Variants in RORA observed in about 807,000 individuals in gnomAD.
RORA encodes the protein nuclear receptor ROR-alpha.
A neutral mutation model predicts 69.5 loss-of-function variants in RORA; 7 were observed. The observed-to-expected ratio is 0.10, with a 90% CI of 0.06 to 0.19. The LOEUF (loss-of-function observed/expected upper bound fraction) is 0.19, where lower values mean the gene tolerates loss of function less well. RORA is among the 10% of genes least tolerant of loss of function. The pLI, the probability that RORA is intolerant of heterozygous loss-of-function variation, is 1.00. For synonymous variants in RORA, 261 were observed against 240.8 expected (o/e 1.08, Z -0.78); for missense variants, 457 against 663.0 (o/e 0.69, Z 3.41).
At chr15:61,066,723 C>T (rs939114233) in intron 1 of RORA, among the ~76,000 whole-genome samples, 9 of 151,664 alleles carry the variant, frequency 5.9e-5, no homozygotes, top group Non-Finnish European at 1.3e-4. Context: ...CCACTATGCC[C>T]CGCTGGCATG....
chr15:60,960,249 T>G (rs1380501378), intron 1 of RORA, among the ~76,000 whole-genome samples: 1 of 152,172 alleles, frequency 6.6e-6, no homozygotes, highest in African/African-American at 2.4e-5. Context: ...TATCATAAAA[T>G]CATTAGCTTA....
At chr15:61,179,845 C>CA (rs1433335649) in intron 1 of RORA, among the ~76,000 whole-genome samples, 1 of 151,956 alleles carries the variant, frequency 6.6e-6, no homozygotes, top group Non-Finnish European at 1.5e-5. Flanking sequence ...GGTAAGAAGA[C>CA]AAAACCGTAG....
intron 1 of RORA, among the ~76,000 whole-genome samples, chr15:61,030,352 T>A (rs992015475): frequency 3.9e-5 from 6 of 152,214 alleles, no homozygotes; most frequent in African/African-American, 1.4e-4. Flanking sequence ...AATATCCTTG[T>A]ATACAGGGAT....
chr15:61,122,149 G>C (rs983232806), intron 1 of RORA, among the ~76,000 whole-genome samples: 7 of 152,296 alleles, frequency 4.6e-5, no homozygotes, highest in Non-Finnish European at 1.0e-4. Flanking sequence ...TCTTTACATT[G>C]AGAGAACTTC....
chr15:61,227,577 T>TGG (rs373409405), intron 1 of RORA, among the ~76,000 whole-genome samples: 25 of 132,372 alleles, frequency 1.9e-4, no homozygotes, highest in African/African-American at 5.8e-4. Flanking sequence ...GTGGCTAAGG[T>TGG]GGGGGGGGGG....
rs186206191 is a variant in RORA, at chr15:60,788,559, G to A, written c.167-109873C>T. Reference sequence around the variant, plus strand: ...CACGGTGTTGCTGCACCAAGAAGAAGCCGCCTCAGCAAATGCTGACGCATG... The same window carrying A: ...CACGGTGTTGCTGCACCAAGAAGAAACCGCCTCAGCAAATGCTGACGCATG... On this transcript the variant is annotated intron_variant, in intron 1 of 10. Transcript: ENST00000335670. 3.0e-3 allele frequency among the ~76,000 whole-genome samples: 463 copies of A among 152,310 alleles called. 6 individuals carry two copies. The highest frequency in any genetic ancestry group is 0.02 in the South Asian group (97 of 4,824).
chr15:61,094,565 G>A (rs1237255433), intron 1 of RORA, among the ~76,000 whole-genome samples: 1 of 152,174 alleles, frequency 6.6e-6, no homozygotes, highest in Non-Finnish European at 1.5e-5. Flanking sequence ...CAAACAAGAT[G>A]TGGTAAGGTC....
At chr15:60,641,798 T>C (rs1037522744) in intron 2 of RORA, among the ~76,000 whole-genome samples, 2 of 152,216 alleles carry the variant, frequency 1.3e-5, no homozygotes, top group African/African-American at 4.8e-5. Flanking sequence ...TAGAAAATTT[T>C]CAAACACTCA....
In RORA at chr15:61,071,193, G is replaced by A. The variant is rs897726910; in HGVS notation, c.166+157860C>T. On this transcript the variant is annotated intron_variant, in intron 1 of 10. Coordinates refer to ENST00000335670, the MANE Select transcript of RORA (RefSeq NM_134261.3). Reference sequence around the variant, plus strand: ...AGAAACACAAACCTTGACTTCACTGGTACATCCTTGGATTTGAAAAAGGGG... The same window carrying A: ...AGAAACACAAACCTTGACTTCACTGATACATCCTTGGATTTGAAAAAGGGG... Among the ~76,000 whole-genome samples, 8 of 102,310 alleles carry A rather than the reference G, an allele frequency of 7.8e-5. 1 individual carries two copies. In the Admixed American group the frequency reaches 9.2e-4, roughly 12 times the overall value. 67.1% of individuals were successfully genotyped at this position (102,310 alleles called of 152,430 possible).
chr15:60,822,123 TA>T (rs1194297165), intron 1 of RORA, among the ~76,000 whole-genome samples: 1 of 152,184 alleles, frequency 6.6e-6, no homozygotes, highest in African/African-American at 2.4e-5. Flanking sequence ...TGGTAAATGG[TA>T]AAACTCTTAT....
chr15:60,664,200 A>T (rs574084593), intron 2 of RORA, among the ~76,000 whole-genome samples: 1 of 152,206 alleles, frequency 6.6e-6, no homozygotes, highest in African/African-American at 2.4e-5. Flanking sequence ...AAATCAGGCC[A>T]TGGAAAGTTC....
intron 1 of RORA, among the ~76,000 whole-genome samples, chr15:60,859,651 CTTTCTTTTTT>C (rs1292740306): frequency 2.1e-5 from 2 of 96,424 alleles, no homozygotes; most frequent in Non-Finnish European, 2.0e-5. Flanking sequence ...TTCTTTCTTT[CTTTCTTTTTT>C]TTTTTTTTTT....
In RORA at chr15:60,637,369, AT is replaced by A. The variant is rs533212380; in HGVS notation, c.196+41287del. ...AATATTTGAAAAAATACATCTTCTT[AT>A]CAGTTTGCTTTTTGTCCTTTTTGCT... On this transcript the variant is annotated intron_variant, in intron 2 of 10. Coordinates refer to ENST00000335670, the MANE Select transcript of RORA (RefSeq NM_134261.3). Among the ~76,000 whole-genome samples, 32 of 147,038 alleles carry A rather than the reference AT, an allele frequency of 2.2e-4. 1 individual carries two copies. In the South Asian group the frequency reaches 6.4e-3, roughly 30 times the overall value.
At chr15:60,679,723 G>C (rs1227559549) in intron 1 of RORA, among the ~76,000 whole-genome samples, 1 of 152,090 alleles carries the variant, frequency 6.6e-6, no homozygotes, top group Non-Finnish European at 1.5e-5. Context: ...ATGTCGTACG[G>C]GGAAGAAATC....
At chr15:60,860,379 G>T (rs561008816) in intron 1 of RORA, among the ~76,000 whole-genome samples, 19 of 152,162 alleles carry the variant, frequency 1.2e-4, no homozygotes, top group Non-Finnish European at 2.4e-4. Flanking sequence ...CGAGAAACTT[G>T]ACACCTTCGA....
At chr15:61,100,430 A>T (rs1358681409) in intron 1 of RORA, among the ~76,000 whole-genome samples, 3 of 152,152 alleles carry the variant, frequency 2.0e-5, no homozygotes. Context: ...TGAGCGGTCA[A>T]TTTTTAAAGT....
chr15:60,592,789 C>T (rs1243273796), intron 2 of RORA: 10 of 711,708 alleles, frequency 1.4e-5, no homozygotes, highest in African/African-American at 3.8e-5. Context: ...GCCCGCCTTC[C>T]CCTCGCCTTC....
At chr15:61,002,633 T>G (rs75071698) in intron 1 of RORA, among the ~76,000 whole-genome samples, 5,935 of 152,234 alleles carry the variant, frequency 0.039, 396 homozygotes, top group African/African-American at 0.13. Context: ...ACTTTTTACT[T>G]TATCCGAAGT....
intron 2 of RORA, among the ~76,000 whole-genome samples, chr15:60,554,063 G>C (rs1430287990): frequency 1.3e-5 from 2 of 151,996 alleles, no homozygotes; most frequent in Admixed American, 1.3e-4. Flanking sequence ...GAATATAAGC[G>C]GGTAGAGGAA....
Sources: gnomAD v4.1 joint callset for allele counts (sites outside exome capture counted in the v4.1 genomes callset) on GRCh38, gnomAD v4.1.1 for gene constraint, MANE v1.5 for transcripts, NCBI Gene and HGNC (gene_info 2026-07-23, HGNC 2026-07-21) for gene names.